The following PDE1C variants were observed in gnomAD, a reference collection of about 807,000 sequenced individuals.
The protein encoded by PDE1C is phosphodiesterase 1C.
In PDE1C, 62 loss-of-function variants were observed where a neutral mutation model predicts 93.1. That is an observed-to-expected ratio of 0.67 (90% CI 0.54 to 0.82). PDE1C has a LOEUF of 0.82. Ranked by LOEUF, PDE1C falls within the 40% of genes least tolerant of loss-of-function variation. The pLI, the probability that PDE1C is intolerant of heterozygous loss-of-function variation, is 0.00. For synonymous variants in PDE1C, 325 were observed against 310.1 expected (o/e 1.05, Z -0.50); for missense variants, 742 against 884.6 (o/e 0.84, Z 2.04).
the PDE1C span, among the ~76,000 whole-genome samples, chr7:31,723,745 C>T: frequency 5.3e-5 from 8 of 152,154 alleles, no homozygotes; most frequent in Non-Finnish European, 1.0e-4. Context: ...TTATTCATAT[C>T]GGATAATAGG....
intron 3 of PDE1C, among the ~76,000 whole-genome samples, chr7:32,159,350 G>C (rs1427835616): frequency 6.6e-6 from 1 of 152,118 alleles, no homozygotes; most frequent in East Asian, 1.9e-4. Context: ...TAAAACACAG[G>C]GTTAAATTAT....
chr7:32,021,454 T>C (rs991891964), intron 2 of PDE1C, among the ~76,000 whole-genome samples: 1 of 152,070 alleles, frequency 6.6e-6, no homozygotes, highest in African/African-American at 2.4e-5. Context: ...GAGAGAAAGG[T>C]AGAGAAGAGT....
chr7:31,669,182 G>T, the PDE1C span, among the ~76,000 whole-genome samples: 1 of 152,214 alleles, frequency 6.6e-6, no homozygotes, highest in Non-Finnish European at 1.5e-5. Flanking sequence ...GATGCAGTAA[G>T]ACCAGCCAGT....
At chr7:31,770,094 T>C (rs1242701185) in intron 17 of PDE1C, among the ~76,000 whole-genome samples, 1 of 152,226 alleles carries the variant, frequency 6.6e-6, no homozygotes, top group African/African-American at 2.4e-5. Context: ...TTATTATTAT[T>C]ATAGCATCCT....
At chr7:31,895,738 C>T (rs1291029711) in intron 2 of PDE1C, among the ~76,000 whole-genome samples, 1 of 151,944 alleles carries the variant, frequency 6.6e-6, no homozygotes, top group East Asian at 1.9e-4. Flanking sequence ...CTGGTTTTCC[C>T]GTGCTGTTCT....
chr7:31,966,212 C>T (rs1261558068), intron 2 of PDE1C, among the ~76,000 whole-genome samples: 1 of 152,040 alleles, frequency 6.6e-6, no homozygotes, highest in Admixed American at 6.6e-5. Context: ...TTCAGGAAAC[C>T]CATCTCACGT....
At chr7:31,867,285 T>G (rs1795420293) in intron 6 of PDE1C, among the ~76,000 whole-genome samples, 1 of 151,920 alleles carries the variant, frequency 6.6e-6, no homozygotes, top group African/African-American at 2.4e-5. Context: ...ACAAGTGAAG[T>G]GCATGCTCCC....
At chr7:32,198,505 T>G (rs989515532) in intron 2 of PDE1C, among the ~76,000 whole-genome samples, 1 of 152,238 alleles carries the variant, frequency 6.6e-6, no homozygotes, top group East Asian at 1.9e-4. Flanking sequence ...AGAACTGATA[T>G]AGCAGCTCTG....
At chr7:32,307,742 C>T (rs554901695) in intron 1 of PDE1C, among the ~76,000 whole-genome samples, 3 of 152,104 alleles carry the variant, frequency 2.0e-5, no homozygotes, top group Admixed American at 6.6e-5. Flanking sequence ...ATAAAGCGGG[C>T]CCGAGGTGGA....
At chr7:31,753,688 C>G (rs190085854) in intron 17 of PDE1C, 135 bp from the exon 18 acceptor site, 120 of 1,313,644 alleles carry the variant, frequency 9.1e-5, no homozygotes, top group Non-Finnish European at 1.2e-4. Context: ...TGGATTCTCC[C>G]TGGAAACCTT....
At chr7:31,676,189 A>C in the PDE1C span, among the ~76,000 whole-genome samples, 1 of 152,206 alleles carries the variant, frequency 6.6e-6, no homozygotes, top group Non-Finnish European at 1.5e-5. Flanking sequence ...ATTACAAAAT[A>C]GTGGGACTAG....
intron 3 of PDE1C, among the ~76,000 whole-genome samples, chr7:32,113,740 C>T (rs1798819857): frequency 6.6e-6 from 1 of 151,836 alleles, no homozygotes; most frequent in Admixed American, 6.6e-5. Flanking sequence ...AAATTTTTAA[C>T]CAAAATTTGC....
At chr7:32,065,400 T>C (rs1795281998) in intron 1 of PDE1C, among the ~76,000 whole-genome samples, 1 of 152,204 alleles carries the variant, frequency 6.6e-6, no homozygotes, top group Non-Finnish European at 1.5e-5. Context: ...TCCTTATGAC[T>C]CTAATGAGTC....
At chr7:32,328,432 A>C (rs943022684) in intron 1 of PDE1C, among the ~76,000 whole-genome samples, 1 of 152,040 alleles carries the variant, frequency 6.6e-6, no homozygotes, top group African/African-American at 2.4e-5. Flanking sequence ...ATAAACCCAA[A>C]CTCAGAAGCA....
At chr7:31,982,215 C>T (rs912742752) in intron 2 of PDE1C, among the ~76,000 whole-genome samples, 1 of 152,196 alleles carries the variant, frequency 6.6e-6, no homozygotes, top group African/African-American at 2.4e-5. Flanking sequence ...AGTCGAGGTT[C>T]CCTAGACAGG....
intron 2 of PDE1C, among the ~76,000 whole-genome samples, chr7:31,904,884 T>C (rs772278258): frequency 3.3e-5 from 5 of 152,170 alleles, no homozygotes; most frequent in African/African-American, 1.2e-4. Flanking sequence ...AGTAGTTGAA[T>C]GTGTTACCTA....
At chr7:31,691,434 G>A in the PDE1C span, among the ~76,000 whole-genome samples, 1 of 152,094 alleles carries the variant, frequency 6.6e-6, no homozygotes, top group Non-Finnish European at 1.5e-5. Flanking sequence ...TGCTATAGTA[G>A]GACATGAGTA....
At chr7:31,652,664 C>T in the PDE1C span, 1 of 1,613,890 alleles carries the variant, frequency 6.2e-7, no homozygotes, top group Non-Finnish European at 8.5e-7. Context: ...CCGATGATGG[C>T]CAGGAGGCTC....
chr7:32,274,720 G>C (rs1185863550), intron 1 of PDE1C, among the ~76,000 whole-genome samples: 1 of 152,074 alleles, frequency 6.6e-6, no homozygotes, highest in East Asian at 1.9e-4. Context: ...TTGAAAGTAG[G>C]GATGAGCTTC....
Sources: allele counts gnomAD v4.1 joint callset (sites outside exome capture counted in the v4.1 genomes callset), GRCh38; gene constraint gnomAD v4.1.1; transcripts MANE v1.5; gene names NCBI Gene and HGNC (gene_info 2026-07-23, HGNC 2026-07-21).